Variants in MDM2 observed in about 807,000 individuals in gnomAD.
The protein encoded by MDM2 is E3 ubiquitin-protein ligase Mdm2.
A neutral mutation model predicts 64.3 loss-of-function variants in MDM2; 11 were observed. That is an observed-to-expected ratio of 0.17 (90% confidence interval 0.11 to 0.28). MDM2 has a LOEUF of 0.28. Among genes scored for constraint, MDM2 ranks in the 10% least tolerant of loss-of-function variants. The pLI is 1.00. For missense variants in MDM2, 388 were observed against 577.1 expected (o/e 0.67, Z 3.36); for synonymous variants, 194 against 192.9 (o/e 1.01, Z -0.05).
chr12:68,850,277 C>A (rs1333943099), downstream of MDM2: 1 of 136,514 alleles, frequency 7.3e-6, no homozygotes, highest in Non-Finnish European at 1.6e-5. Flanking sequence ...CAGAGCGAGA[C>A]TTCGTCCCAA....
rs551771022 is a variant in MDM2 at position 68,828,257 on chromosome 12, GA to G, written c.524-507del. The G allele has an allele frequency of 9.1e-3, 1,393 of 152,366 alleles. 12 individuals are homozygous for G. Among genetic ancestry groups the G allele is most frequent in the South Asian group, 0.024 (114 of 4,836 alleles). The allele number at this position is 152,366 out of a possible 1,614,324, so 9.4% of individuals were successfully genotyped here. A position where few individuals can be genotyped will look rare whatever the true frequency, so the allele number is the denominator to read the frequency against. On this transcript the variant is annotated intron_variant, in intron 7 of 10. Coordinates refer to ENST00000258149, the MANE Select transcript of MDM2 (RefSeq NM_002392.6). ...TATATTTTAAAGTTTGGTTTTGACA[GA>G]AAAAAATTCCTAGATTTTTTGGTTA...
chr12:68,820,526 A>G (rs1328614597), intron 5 of MDM2, 152 bp downstream of exon 5: 1 of 640,246 alleles, frequency 1.6e-6, no homozygotes, highest in Non-Finnish European at 2.7e-6. Context: ...TTAGAAGTAC[A>G]TATGAACTAA....
Position 68,836,695 on chromosome 12 carries a change from G to A in MDM2, c.864G>A (p.Gln288=), listed in dbSNP as rs373451300. The A allele has an allele frequency of 3.7e-6, 6 of 1,611,880 alleles. No homozygotes were observed. In the East Asian group the frequency reaches 1.3e-4, roughly 36 times the overall value. ...AGGTATATCAAGTTACTGTGTATCA[G>A]GCAGGGGAGAGTGATACAGATTCAT... The part of the protein sequence containing the change: ...DDEVYQVTVY[Q]AGESDTDSFE... The change falls in exon 10 of 11, where the codon CAG becomes CAA. Residue 288 remains glutamine, a synonymous_variant. Transcript: ENST00000258149.
rs1461794566 is a variant in MDM2 at position 68,839,971 on chromosome 12, CTT to C, written c.*124_*125del. The C allele has an allele frequency of 4.5e-6, 4 of 897,994 alleles. No homozygotes were observed. The Admixed American group carries it at 1.2e-4, about 27-fold the overall frequency. 55.6% of individuals were successfully genotyped at this position (897,994 alleles called of 1,614,324 possible). On this transcript the variant is annotated 3_prime_UTR_variant, in exon 11 of 11. Coordinates refer to ENST00000258149, the MANE Select transcript of MDM2 (RefSeq NM_002392.6). ...GCCTCAATTCACATAGATTTCTTCT[CTT>C]TAGTATAATTGACCTACTTTGGTAG...
chr12:68,828,814 C>T lies in MDM2; in HGVS notation c.567C>T (p.Arg189=). 1 of 1,613,936 alleles carries T rather than the reference C, an allele frequency of 6.2e-7. No homozygotes were observed. Among genetic ancestry groups the T allele is most frequent in the Non-Finnish European group, 8.5e-7 (1 of 1,179,974 alleles). ...TATCTGGTGAACGACAAAGAAAACG[C>T]CACAAATCTGATAGTATTTCCCTTT... ...DELSGERQRK[R]HKSDSISLSF... The change falls in exon 8 of 11, where the codon CGC becomes CGT. Residue 189 remains arginine (R), a synonymous_variant. Coordinates refer to ENST00000258149, the MANE Select transcript of MDM2 (RefSeq NM_002392.6).
chr12:68,827,719 G>A (rs758517179), intron 7 of MDM2, among the ~76,000 whole-genome samples: 1 of 152,150 alleles, frequency 6.6e-6, no homozygotes, highest in South Asian at 2.1e-4. Flanking sequence ...TCTAGTATAA[G>A]GTAGTATTCT....
chr12:68,827,907 G>T (rs1343713114), intron 7 of MDM2, among the ~76,000 whole-genome samples: 1 of 152,184 alleles, frequency 6.6e-6, no homozygotes, highest in Non-Finnish European at 1.5e-5. Context: ...GAGGCAGGAG[G>T]ATCACTTAAG....
intron 5 of MDM2, 81 bp from the exon 6 acceptor site, chr12:68,824,282 G>T: frequency 2.1e-6 from 2 of 932,280 alleles, no homozygotes; most frequent in South Asian, 2.9e-5. Context: ...GTTTGTGTTA[G>T]ACTGATAGCA....
chr12:68,834,227 A>C (rs1883124682), intron 8 of MDM2, among the ~76,000 whole-genome samples: 2 of 151,994 alleles, frequency 1.3e-5, no homozygotes, highest in Admixed American at 6.6e-5. Context: ...GGATCACTAG[A>C]GGTCAGGATT....
chr12:68,850,357 G>T (rs1052416595), downstream of MDM2: 1 of 151,016 alleles, frequency 6.6e-6, no homozygotes, highest in African/African-American at 2.4e-5. Flanking sequence ...TTCTGCTTAA[G>T]AGGCTTCTAT....
chr12:68,835,811 A>T lies in MDM2; in HGVS notation c.685-18A>T, dbSNP rs1442777681. ...AGAGGTGATGTTTATTAAGTTATAT[A>T]TTTTTTTCTTGTTTTAGGATCTTGA... On this transcript the variant is annotated intron_variant, in intron 8 of 10. Coordinates refer to ENST00000258149, the MANE Select transcript of MDM2 (RefSeq NM_002392.6). The T allele has an allele frequency of 5.6e-6, 9 of 1,607,388 alleles. No homozygotes were observed. Among genetic ancestry groups the T allele is most frequent in the Non-Finnish European group, 7.6e-6 (9 of 1,177,026 alleles).
Position 68,839,413 on chromosome 12 carries a change from T to G in MDM2, c.1058T>G (p.Leu353Arg). ...GGGGAAATCTCTGAGAAAGCCAAAC[T>G]GGAAAACTCAACACAAGCTGAAGAG... ...DKGEISEKAK[L>R]ENSTQAEEGF... Residue 353 changes from leucine to arginine, a missense_variant, in exon 11 of 11, where the codon CTG becomes CGG. By Grantham distance (102) the Leu-to-Arg change is moderately radical. Transcript: ENST00000258149. 6.2e-7 allele frequency: 1 copy of G among 1,613,820 alleles called. No homozygotes were observed. Among genetic ancestry groups the G allele is most frequent in the Non-Finnish European group, 8.5e-7 (1 of 1,180,006 alleles).
intron 7 of MDM2, among the ~76,000 whole-genome samples, chr12:68,827,298 G>C (rs566039595): frequency 7.6e-6 from 1 of 132,384 alleles, no homozygotes; most frequent in African/African-American, 2.5e-5. Context: ...TCCCTAGGAG[G>C]TAAGAGTTTT....
chr12:68,825,788 G>T (rs760558995), intron 7 of MDM2, among the ~76,000 whole-genome samples: 4 of 152,224 alleles, frequency 2.6e-5, no homozygotes, highest in Non-Finnish European at 4.4e-5. Context: ...GAGAATGTCA[G>T]ATCAGTGAAA....
At chr12:68,820,902 T>G (rs1293431097) in intron 5 of MDM2, among the ~76,000 whole-genome samples, 2 of 152,190 alleles carry the variant, frequency 1.3e-5, no homozygotes, top group African/African-American at 4.8e-5. Context: ...CACATGTATA[T>G]ATACATGGGT....
chr12:68,842,994 C>G lies in MDM2; in HGVS notation c.*3145C>G, dbSNP rs1346276932. The G allele has an allele frequency of 9.4e-6, 2 of 212,312 alleles. No individual in the cohort carries two copies. The highest frequency in any genetic ancestry group is 2.3e-5 in the African/African-American group (1 of 44,092). 13.2% of individuals were successfully genotyped at this position (212,312 alleles called of 1,614,324 possible). The stretch of plus-strand genomic sequence containing the variant: ...TTTCTGCTTTGGCAAATACTAAGTT[C>G]TAACTTGTCATTCCTGGTAGAACAA... On this transcript the variant is annotated 3_prime_UTR_variant, in exon 11 of 11. Transcript: ENST00000258149.
intron 4 of MDM2, among the ~76,000 whole-genome samples, chr12:68,818,511 C>A (rs910822435): frequency 7.4e-5 from 11 of 148,592 alleles, no homozygotes; most frequent in Non-Finnish European, 1.0e-4. Flanking sequence ...ATTTAAATTT[C>A]ATCTAGCTTC....
chr12:68,816,952 C>A lies in MDM2; in HGVS notation c.308+7C>A, dbSNP rs2136121826. The stretch of plus-strand genomic sequence containing the variant: ...TCTCTGTGAAAGAGCACAGGTAATT[C>A]TTCAGTTTAGTCCATTGTAAAAAGC... On this transcript the variant is annotated splice_region_variant and intron_variant, in intron 4 of 10. Coordinates refer to ENST00000258149, the MANE Select transcript of MDM2 (RefSeq NM_002392.6). 2 of 1,612,162 alleles carry A rather than the reference C, an allele frequency of 1.2e-6. No homozygotes were observed. The highest frequency in any genetic ancestry group is 2.2e-5 in the South Asian group (2 of 90,374).
rs1243254510 is a variant in MDM2 at position 68,839,906 on chromosome 12, A to G, written c.*57A>G. ...TAACTATATAACCCTAGGAATTTAG[A>G]CAACCTGAAATTTATTCACATATAT... On this transcript the variant is annotated 3_prime_UTR_variant, in exon 11 of 11. Coordinates refer to ENST00000258149, the MANE Select transcript of MDM2 (RefSeq NM_002392.6). 58 of 1,467,896 alleles carry G rather than the reference A, an allele frequency of 4.0e-5. 1 individual carries two copies. The Admixed American group carries it at 1.3e-3, about 32-fold the overall frequency. The allele number at this position is 1,467,896 out of a possible 1,614,324, so 90.9% of individuals were successfully genotyped here.
Sources: gnomAD v4.1 joint callset for allele counts (sites outside exome capture counted in the v4.1 genomes callset) on GRCh38, gnomAD v4.1.1 for gene constraint, MANE v1.5 for transcripts, NCBI Gene and HGNC (gene_info 2026-07-23, HGNC 2026-07-21) for gene names.